SORBS2: variants seen among roughly 807,000 people sequenced by gnomAD.
SORBS2 encodes the protein sorbin and SH3 domain containing 2.
Under a neutral mutation model 97.7 loss-of-function variants are expected in SORBS2, and 46 were observed. That is an observed-to-expected ratio of 0.47 (90% CI 0.37 to 0.60). SORBS2 has a LOEUF of 0.60. SORBS2 is among the 20% of genes least tolerant of loss of function. The pLI, the probability that SORBS2 is intolerant of heterozygous loss-of-function variation, is 0.00. For synonymous variants in SORBS2, 476 were observed against 473.4 expected (o/e 1.01, Z -0.07); for missense variants, 1,316 against 1,282.3 (o/e 1.03, Z -0.40).
At chr4:185,670,463 A>G (rs930126890) in intron 4 of SORBS2, among the ~76,000 whole-genome samples, 1 of 152,056 alleles carries the variant, frequency 6.6e-6, no homozygotes, top group Non-Finnish European at 1.5e-5. Context: ...CTCTCTTAAC[A>G]CCTTTAGTCA....
intron 1 of SORBS2, among the ~76,000 whole-genome samples, chr4:185,653,847 G>T (rs1353544715): frequency 6.6e-6 from 1 of 152,194 alleles, no homozygotes; most frequent in African/African-American, 2.4e-5. Flanking sequence ...CAACAGGCTT[G>T]ATGATTCTGC....
At position 185,893,598 on chromosome 4, in the gene SORBS2, C is replaced by T. The variant is rs1009916926; in HGVS notation, c.-338+62598G>A. 5.3e-5 allele frequency among the ~76,000 whole-genome samples: 8 copies of T among 152,126 alleles called. No individual in the cohort carries two copies. In the East Asian group the frequency reaches 1.5e-3, roughly 29 times the overall value. On this transcript the variant is annotated intron_variant, in intron 1 of 20. Coordinates refer to the SORBS2 transcript ENST00000284776. Reference sequence around the variant, plus strand: ...AAACTGACAATAGACAGGTTAACAGCCAGAAGGGCATGTGAATTTATTAAC... The same window carrying T: ...AAACTGACAATAGACAGGTTAACAGTCAGAAGGGCATGTGAATTTATTAAC...
intron 2 of SORBS2, among the ~76,000 whole-genome samples, chr4:185,736,100 C>A (rs1345073896): frequency 6.6e-6 from 1 of 152,220 alleles, no homozygotes; most frequent in Middle Eastern, 3.2e-3. Context: ...CAGCCTGGCT[C>A]AGACACACTC....
intron 1 of SORBS2, among the ~76,000 whole-genome samples, chr4:185,809,765 T>C (rs1456012873): frequency 1.3e-5 from 2 of 152,180 alleles, no homozygotes; most frequent in African/African-American, 4.8e-5. Flanking sequence ...GTGTGTGCCA[T>C]TCCTCCCGTG....
chr4:185,795,540 T>C (rs978725391), intron 1 of SORBS2, among the ~76,000 whole-genome samples: 1 of 152,144 alleles, frequency 6.6e-6, no homozygotes, highest in Non-Finnish European at 1.5e-5. Flanking sequence ...AGATGTGTTA[T>C]CCTGCAAAAT....
chr4:185,955,961 A>G (rs2150040337), intron 1 of SORBS2, among the ~76,000 whole-genome samples: 1 of 152,262 alleles, frequency 6.6e-6, no homozygotes, highest in African/African-American at 2.4e-5. Flanking sequence ...TAGCAAGAGT[A>G]ACAAAGAATC....
chr4:185,706,558 T>A (rs1166776678), intron 2 of SORBS2, among the ~76,000 whole-genome samples: 1 of 152,120 alleles, frequency 6.6e-6, no homozygotes, highest in Non-Finnish European at 1.5e-5. Flanking sequence ...TCACTAAACA[T>A]CTACACACCA....
intron 2 of SORBS2, among the ~76,000 whole-genome samples, chr4:185,697,461 A>C (rs2098192638): frequency 6.6e-6 from 1 of 152,162 alleles, no homozygotes; most frequent in Non-Finnish European, 1.5e-5. Context: ...TTATTTAGCT[A>C]AGATTTTCCC....
intron 2 of SORBS2, among the ~76,000 whole-genome samples, chr4:185,761,970 G>A (rs1215480524): frequency 1.3e-5 from 2 of 152,224 alleles, no homozygotes; most frequent in Non-Finnish European, 2.9e-5. Flanking sequence ...TAGATGGGAA[G>A]TCTACATGCA....
intron 1 of SORBS2, among the ~76,000 whole-genome samples, chr4:185,655,770 A>C (rs554288603): frequency 2.6e-5 from 4 of 152,342 alleles, no homozygotes; most frequent in South Asian, 4.1e-4. Context: ...TTTTGAAACT[A>C]ACCAGGCAAA....
intron 4 of SORBS2, among the ~76,000 whole-genome samples, chr4:185,674,710 C>T (rs973612288): frequency 9.9e-5 from 15 of 152,084 alleles, no homozygotes; most frequent in Non-Finnish European, 1.8e-4. Flanking sequence ...CTCTCCCTCC[C>T]TCAGGCTTCC....
At chr4:185,879,549 T>G (rs926171869) in intron 1 of SORBS2, among the ~76,000 whole-genome samples, 4 of 152,212 alleles carry the variant, frequency 2.6e-5, no homozygotes, top group African/African-American at 9.6e-5. Flanking sequence ...ATGGGATAGC[T>G]GGGTCAAATG....
rs548625569 is a variant in SORBS2, at chr4:185,812,926, A to G, written c.-337-37560T>C. On this transcript the variant is annotated intron_variant, in intron 1 of 20. Transcript: ENST00000284776. Reference sequence around the variant, plus strand: ...TTAAAAAATCCGCACCTAATTAAAAATTCTTTGACTTTAAACATTACCTTC... The same window carrying G: ...TTAAAAAATCCGCACCTAATTAAAAGTTCTTTGACTTTAAACATTACCTTC... 2.0e-5 allele frequency: 3 copies of G among 152,378 alleles called. No individual in the cohort carries two copies. The East Asian group carries it at 5.8e-4, about 29-fold the overall frequency. The allele number at this position is 152,378 out of a possible 1,614,324, so 9.4% of individuals were successfully genotyped here. A position where few individuals can be genotyped will look rare whatever the true frequency, so the allele number is the denominator to read the frequency against.
chr4:185,713,397 C>A (rs1185738710), intron 2 of SORBS2, among the ~76,000 whole-genome samples: 1 of 152,220 alleles, frequency 6.6e-6, no homozygotes, highest in African/African-American at 2.4e-5. Context: ...TATCACCTCT[C>A]ATCTTACGTG....
chr4:185,926,147 G>C (rs1420131906), intron 1 of SORBS2, among the ~76,000 whole-genome samples: 1 of 152,240 alleles, frequency 6.6e-6, no homozygotes, highest in African/African-American at 2.4e-5. Flanking sequence ...GATCTCACGT[G>C]AAACAAATGG....
At position 185,879,132 on chromosome 4, in the gene SORBS2, ATTTACATTAGGTATATC is replaced by A. The variant is rs777771401; in HGVS notation, c.-338+77047_-338+77063del. On this transcript the variant is annotated intron_variant, in intron 1 of 20. Transcript: ENST00000284776. Reference sequence around the variant, plus strand: ...GGTGTGCTGCACCCATTAACTCGCCATTTACATTAGGTATATCTCCTAATGCTATCCCTCCCCCCCCC... The same window carrying A: ...GGTGTGCTGCACCCATTAACTCGCCATCCTAATGCTATCCCTCCCCCCCCC... Among the ~76,000 whole-genome samples, 1,092 of 137,380 alleles carry A rather than the reference ATTTACATTAGGTATATC, an allele frequency of 7.9e-3. 9 individuals carry two copies. Among genetic ancestry groups the A allele is most frequent in the Non-Finnish European group, 0.012 (780 of 65,828 alleles). The allele number at this position is 137,380 out of a possible 152,430, so 90.1% of individuals were successfully genotyped here.
At chr4:185,840,954 C>T (rs1386736247) in intron 1 of SORBS2, among the ~76,000 whole-genome samples, 3 of 152,016 alleles carry the variant, frequency 2.0e-5, no homozygotes, top group African/African-American at 4.8e-5. Flanking sequence ...AGGGAGAGGG[C>T]GTAAAGCAAA....
chr4:185,606,450 A>G lies in SORBS2; in HGVS notation c.2796+5330T>C. On this transcript the variant is annotated intron_variant, in intron 12 of 14. Coordinates refer to ENST00000418609, the Ensembl canonical transcript of SORBS2. This position sits in a 1 kb window ranked among gnomAD's most constrained non-coding sequence, Gnocchi z 4.3. Reference sequence around the variant, plus strand: ...GTTTTCATATACCCACTCCACCCCCATCTTATATAGTATTTGTGTTTTTTG... The same window carrying G: ...GTTTTCATATACCCACTCCACCCCCGTCTTATATAGTATTTGTGTTTTTTG... 1.0e-6 allele frequency: 1 copy of G among 975,296 alleles called. No homozygotes were observed. Among genetic ancestry groups the G allele is most frequent in the Non-Finnish European group, 1.2e-6 (1 of 820,832 alleles). 60.4% of individuals were successfully genotyped at this position (975,296 alleles called of 1,614,324 possible). A position where few individuals can be genotyped will look rare whatever the true frequency, so the allele number is the denominator to read the frequency against.
At chr4:185,716,800 G>C (rs1158669500) in intron 2 of SORBS2, among the ~76,000 whole-genome samples, 2 of 152,162 alleles carry the variant, frequency 1.3e-5, no homozygotes, top group African/African-American at 4.8e-5. Context: ...ACACCAGACT[G>C]CGCAGGCGGG....
Sources: gnomAD v4.1 joint callset for allele counts (sites outside exome capture counted in the v4.1 genomes callset) on GRCh38, gnomAD v4.1.1 for gene constraint, Gnocchi (gnomAD v3.1) non-coding constraint, MANE v1.5 for transcripts, NCBI Gene and HGNC (gene_info 2026-07-23, HGNC 2026-07-21) for gene names.